Variants in NFYC observed in about 807,000 individuals in gnomAD.
NFYC encodes CAAT box DNA-binding protein subunit C.
In NFYC, 25 loss-of-function variants were observed where a neutral mutation model predicts 53.1. That is an observed-to-expected ratio of 0.47 (90% confidence interval 0.34 to 0.66). The LOEUF is 0.66. Among genes scored for constraint, NFYC ranks in the 30% least tolerant of loss-of-function variants. The probability of loss-of-function intolerance (pLI) is 0.01; values close to 1 mark genes in which losing one functional copy is unlikely to be tolerated. For missense variants in NFYC, 260 were observed against 422.7 expected (o/e 0.62, Z 3.38); for synonymous variants, 145 against 152.6 (o/e 0.95, Z 0.37).
rs1024150328 is a variant in NFYC at position 40,740,361 on chromosome 1, C to T, written c.105+1413C>T. On this transcript the variant is annotated intron_variant, in intron 2 of 9. Transcript: ENST00000447388. ...ATGAACCAGACAGACAGGATCATTG[C>T]GCTCATGGAACATATATTCTGATGA... Among the ~76,000 whole-genome samples the T allele has an allele frequency of 5.3e-5, 8 of 152,162 alleles. 1 individual carries two copies. Among genetic ancestry groups the T allele is most frequent in the African/African-American group, 1.2e-4 (5 of 41,436 alleles).
At chr1:40,769,981 G>A (rs1647006016) in intron 9 of NFYC, among the ~76,000 whole-genome samples, 1 of 152,144 alleles carries the variant, frequency 6.6e-6, no homozygotes, top group Non-Finnish European at 1.5e-5. Context: ...GCCCTCTGCT[G>A]CTCAAAAGGG....
At position 40,762,727 on chromosome 1, in the gene NFYC, G is replaced by A. The variant is rs7522631; in HGVS notation, c.562-161G>A. ...TTTGGAGAGTAACTTCAGCAATGCT[G>A]TAAACCCAGAGGACTCTGTAGGTTA... On this transcript the variant is annotated intron_variant, in intron 6 of 9. Coordinates refer to ENST00000447388, the MANE Select transcript of NFYC (RefSeq NM_014223.5). Among the ~76,000 whole-genome samples the A allele has an allele frequency of 5.0e-3, 757 of 152,310 alleles. 5 individuals are homozygous for A. Among genetic ancestry groups the A allele is most frequent in the African/African-American group, 0.018 (733 of 41,566 alleles).
rs144525814 is a variant in NFYC, at chr1:40,696,275, G to A, written c.-9+4408G>A. 2.7e-3 allele frequency among the ~76,000 whole-genome samples: 407 copies of A among 152,134 alleles called. 1 individual carries two copies. Among genetic ancestry groups the A allele is most frequent in the African/African-American group, 9.4e-3 (389 of 41,494 alleles). On this transcript the variant is annotated intron_variant, in intron 1 of 9. Transcript: ENST00000447388. ...CCTGACCTCGTGATCCGCCCTCTTC[G>A]GCCTCCTGAAGTGGTGGGATTACAG...
In NFYC at chr1:40,753,402, A is replaced by T. The variant is rs147311974; in HGVS notation, c.387+156A>T. The stretch of plus-strand genomic sequence containing the variant: ...TTCTTAACATCTCCTTCTGTTACTC[A>T]TTTCTGGATACTTTTAACTCAGTGC... On this transcript the variant is annotated intron_variant, in intron 5 of 9. Transcript: ENST00000447388. Among the ~76,000 whole-genome samples, 90 of 152,240 alleles carry T rather than the reference A, an allele frequency of 5.9e-4. 1 individual carries two copies. Among genetic ancestry groups the T allele is most frequent in the African/African-American group, 2.1e-3 (86 of 41,528 alleles).
rs528923058 is a variant in NFYC at position 40,758,082 on chromosome 1, G to C, written c.388-39G>C. 6.9e-5 allele frequency: 111 copies of C among 1,609,902 alleles called. No homozygotes were observed. The East Asian group carries it at 2.2e-3, about 32-fold the overall frequency. On this transcript the variant is annotated intron_variant, in intron 5 of 9. Transcript: ENST00000447388. ...ATTCACTGTGGCGGCTGCTGAGTTG[G>C]TTCTTTTCCTCTTACCTGCCTCTCT... is the stretch of plus-strand genomic sequence containing the variant.
chr1:40,749,963 C>CT (rs1482062383), intron 4 of NFYC, among the ~76,000 whole-genome samples: 1 of 152,168 alleles, frequency 6.6e-6, no homozygotes, highest in East Asian at 1.9e-4. Flanking sequence ...TGACTGAACT[C>CT]TTTTCCCTTG....
chr1:40,725,748 A>T (rs558669269), intron 1 of NFYC, among the ~76,000 whole-genome samples: 19 of 152,368 alleles, frequency 1.2e-4, no homozygotes, highest in Non-Finnish European at 2.8e-4. Flanking sequence ...CTCAGTAAAT[A>T]CCTGAGCAGT....
intron 2 of NFYC, 79 bp from the exon 3 acceptor site, chr1:40,747,455 G>A: frequency 1.1e-6 from 1 of 937,970 alleles, no homozygotes; most frequent in Non-Finnish European, 1.7e-6. Flanking sequence ...CCAAGCCAGA[G>A]TGTTTCCTAC....
intron 1 of NFYC, among the ~76,000 whole-genome samples, chr1:40,724,096 A>T (rs1040422717): frequency 6.6e-6 from 1 of 152,188 alleles, no homozygotes; most frequent in African/African-American, 2.4e-5. Context: ...GGGGCTGGAC[A>T]TGGTGGCTCA....
chr1:40,768,718 C>G (rs901493423), intron 8 of NFYC: 6 of 152,476 alleles, frequency 3.9e-5, no homozygotes, highest in Non-Finnish European at 8.8e-5. Context: ...ATTTTAAGTA[C>G]TTGTGATAAA....
chr1:40,753,309 T>TA (rs1263321768), intron 5 of NFYC, 63 bp downstream of exon 5: 2 of 1,099,832 alleles, frequency 1.8e-6, no homozygotes, highest in Non-Finnish European at 2.8e-6. Flanking sequence ...TGGTGTCAGA[T>TA]ACGCTCCTTC....
chr1:40,729,417 C>T (rs745780558), intron 1 of NFYC, among the ~76,000 whole-genome samples: 4 of 152,206 alleles, frequency 2.6e-5, no homozygotes, highest in Non-Finnish European at 5.9e-5. Flanking sequence ...TCTGCAGCCC[C>T]CTCACCTCTC....
At chr1:40,696,678 A>G (rs928819720) in intron 1 of NFYC, among the ~76,000 whole-genome samples, 1 of 152,222 alleles carries the variant, frequency 6.6e-6, no homozygotes, top group African/African-American at 2.4e-5. Context: ...ATGGCAGAGG[A>G]CATTACTAGG....
intron 3 of NFYC, among the ~76,000 whole-genome samples, chr1:40,748,933 A>G (rs1645763968): frequency 6.6e-6 from 1 of 152,066 alleles, no homozygotes; most frequent in South Asian, 2.1e-4. Context: ...TGCTTCTTTA[A>G]CTCCAGAGCT....
At chr1:40,698,955 G>A (rs1014015968) in intron 1 of NFYC, among the ~76,000 whole-genome samples, 1 of 151,802 alleles carries the variant, frequency 6.6e-6, no homozygotes, top group Non-Finnish European at 1.5e-5. Flanking sequence ...ATGAGGTCAG[G>A]AGTTTAAGAC....
At chr1:40,726,127 T>TGTGTGTG (rs33997341) in intron 1 of NFYC, among the ~76,000 whole-genome samples, 2 of 140,990 alleles carry the variant, frequency 1.4e-5, no homozygotes, top group African/African-American at 5.0e-5. Flanking sequence ...GTGTGTGTGT[T>TGTGTGTG]TTTTTTTGAG....
chr1:40,769,060 C>G (rs1395640966), intron 8 of NFYC: 1 of 342,498 alleles, frequency 2.9e-6, no homozygotes, highest in Non-Finnish European at 5.6e-6. Flanking sequence ...CTGTTTGAGC[C>G]TCAGAGTTTG....
At chr1:40,697,262 C>T (rs1039980918) in intron 1 of NFYC, among the ~76,000 whole-genome samples, 2 of 152,186 alleles carry the variant, frequency 1.3e-5, no homozygotes, top group African/African-American at 4.8e-5. Context: ...CCTTTCAGCC[C>T]GTTACAGCTT....
intron 5 of NFYC, 30 bp from the exon 6 acceptor site, chr1:40,758,091 C>T: frequency 6.2e-7 from 1 of 1,610,934 alleles, no homozygotes; most frequent in South Asian, 1.1e-5. Flanking sequence ...GGTTCTTTTC[C>T]TCTTACCTGC....
Sources: gnomAD v4.1 joint callset for allele counts (sites outside exome capture counted in the v4.1 genomes callset) on GRCh38, gnomAD v4.1.1 for gene constraint, MANE v1.5 for transcripts, NCBI Gene and HGNC (gene_info 2026-07-23, HGNC 2026-07-21) for gene names.